PLK1: variants seen among roughly 807,000 people sequenced by gnomAD.
PLK1 encodes serine/threonine-protein kinase PLK1.
Under a neutral mutation model 56.7 loss-of-function variants are expected in PLK1, and 6 were observed. The observed-to-expected ratio is 0.11, with a 90% CI of 0.06 to 0.21. The LOEUF is 0.21. Among genes scored for constraint, PLK1 ranks in the 10% least tolerant of loss-of-function variants. PLK1 has a pLI of 1.00. For missense variants in PLK1, 546 were observed against 814.4 expected, an observed-to-expected ratio of 0.67 and a Z score of 4.01; for synonymous variants, 298 against 325.0, an observed-to-expected ratio of 0.92 and a Z score of 0.89.
chr16:23,681,087 C>G (rs375393158), intron 3 of PLK1, 29 bp downstream of exon 3: 3 of 1,604,498 alleles, frequency 1.9e-6, no homozygotes, highest in Non-Finnish European at 2.6e-6. Context: ...CTGGACCAAC[C>G]TGGTCTCAGC....
rs1597137321 is a variant in PLK1 at position 23,689,176 on chromosome 16, G to A, written c.1271-62G>A. 9 of 1,469,794 alleles carry A rather than the reference G, an allele frequency of 6.1e-6. No homozygotes were observed. Among genetic ancestry groups the A allele is most frequent in the African/African-American group, 4.1e-5 (3 of 72,296 alleles). The allele number at this position is 1,469,794 out of a possible 1,614,324, so 91.0% of individuals were successfully genotyped here. A position where few individuals can be genotyped will look rare whatever the true frequency, so the allele number is the denominator to read the frequency against. Reference sequence around the variant, plus strand: ...TGGAATCACAGGCATGTGCCACCACGCCCGGTCCCACTCCCCACTTTCTAT... The same window carrying A: ...TGGAATCACAGGCATGTGCCACCACACCCGGTCCCACTCCCCACTTTCTAT... On this transcript the variant is annotated intron_variant, in intron 7 of 9. Transcript: ENST00000300093. The surrounding 1 kb of genome is among the most constrained non-coding windows in gnomAD (Gnocchi z 4.8).
At position 23,690,158 on chromosome 16, in the gene PLK1, G is replaced by GC. The variant is rs766871722; in HGVS notation, c.*101dup. On this transcript the variant is annotated 3_prime_UTR_variant, in exon 10 of 10. Transcript: ENST00000300093. ...TCCCGCGGTGCCATGTCTGCAGTGT[G>GC]CCCCCCAGCCCCGGTGGCTGGGCAG... 4.3e-6 allele frequency: 4 copies of GC among 925,568 alleles called. No homozygotes were observed. The highest frequency in any genetic ancestry group is 1.8e-5 in the Admixed American group (1 of 54,802). 57.3% of individuals were successfully genotyped at this position (925,568 alleles called of 1,614,324 possible). A position where few individuals can be genotyped will look rare whatever the true frequency, so the allele number is the denominator to read the frequency against.
rs764805610 is a variant in PLK1 at position 23,690,182 on chromosome 16, A to C, written c.*119A>C. ...TGCCCCCCAGCCCCGGTGGCTGGGC[A>C]GAGCTGCATCATCCTTGCAGGTGGG... On this transcript the variant is annotated 3_prime_UTR_variant, in exon 10 of 10. Transcript: ENST00000300093. The C allele has an allele frequency of 6.6e-6, 5 of 760,448 alleles. No homozygotes were observed. The highest frequency in any genetic ancestry group is 1.1e-5 in the Non-Finnish European group (5 of 438,270). The allele number at this position is 760,448 out of a possible 1,614,324, so 47.1% of individuals were successfully genotyped here.
At chr16:23,688,638 CAACT>C (rs1314141929) in intron 6 of PLK1, 26 bp from the exon 7 acceptor site, 25 of 1,562,696 alleles carry the variant, frequency 1.6e-5, no homozygotes, top group Non-Finnish European at 2.0e-5. Flanking sequence ...TGGTCCTGAC[CAACT>C]AACTGTCTGT....
rs1959293862 is a variant in PLK1 at position 23,679,442 on chromosome 16, T to G, written c.408+102T>G. The G allele has an allele frequency of 4.4e-6, 5 of 1,133,430 alleles. No homozygotes were observed. In the South Asian group the frequency reaches 7.5e-5, roughly 17 times the overall value. 70.2% of individuals were successfully genotyped at this position (1,133,430 alleles called of 1,614,324 possible). A position where few individuals can be genotyped will look rare whatever the true frequency, so the allele number is the denominator to read the frequency against. Reference sequence around the variant, plus strand: ...TACCCAGCAAGGGAGAGCCTGGGACTTGGAGCTGCTAGAGAAGGGTGCTGG... The same window carrying G: ...TACCCAGCAAGGGAGAGCCTGGGACGTGGAGCTGCTAGAGAAGGGTGCTGG... On this transcript the variant is annotated intron_variant, in intron 1 of 9. Transcript: ENST00000300093.
chr16:23,684,502 C>T (rs1266420119), intron 5 of PLK1, among the ~76,000 whole-genome samples: 1 of 152,008 alleles, frequency 6.6e-6, no homozygotes, highest in Non-Finnish European at 1.5e-5. Context: ...GTCAGGCATG[C>T]ACCACCATGC....
rs748876046 is a variant in PLK1 at position 23,690,024 on chromosome 16, G to T, written c.1773G>T (p.Leu591=). ...CCCGCACTATGGTGGACAAGCTGCT[G>T]AGCTCACGCTCGGCCAGCAACCGTC... The part of the protein sequence containing the change: ...RYARTMVDKL[L]SSRSASNRLK... Residue 591 remains leucine (L), a synonymous_variant, in exon 10 of 10, where the codon CTG becomes CTT. Coordinates refer to ENST00000300093, the MANE Select transcript of PLK1 (RefSeq NM_005030.6). 7.4e-6 allele frequency: 12 copies of T among 1,612,718 alleles called. No individual in the cohort carries two copies. Among genetic ancestry groups the T allele is most frequent in the Non-Finnish European group, 9.3e-6 (11 of 1,180,000 alleles).
At chr16:23,685,463 T>C (rs1309741103) in intron 5 of PLK1, among the ~76,000 whole-genome samples, 1 of 151,972 alleles carries the variant, frequency 6.6e-6, no homozygotes, top group African/African-American at 2.4e-5. Flanking sequence ...ATTTTTTTCT[T>C]TGGGAGGCCG....
At chr16:23,688,099 CCCAACATAGT>C in intron 6 of PLK1, among the ~76,000 whole-genome samples, 1 of 152,196 alleles carries the variant, frequency 6.6e-6, no homozygotes, top group Non-Finnish European at 1.5e-5. Context: ...ACACTTCTCA[CCCAACATAGT>C]CCAACATGTC....
Position 23,687,556 on chromosome 16 carries a change from G to A in PLK1, c.1124G>A (p.Ser375Asn), listed in dbSNP as rs1468560703. ...GGTGAGGTGGTCGACTGCCACCTCA[G>A]TGACATGCTGCAGCAGCTGCACAGT... ...ETGEVVDCHL[S>N]DMLQQLHSVN... Residue 375 changes from serine (S) to asparagine (N), a missense_variant, in exon 6 of 10, where the codon AGT becomes AAT. Ser to Asn is a conservative substitution (Grantham distance 46). Around this residue, in one of 7 missense-constraint regions of PLK1, gnomAD observed 157 missense variants for 184.0 expected, o/e 0.85. Coordinates refer to ENST00000300093, the MANE Select transcript of PLK1 (RefSeq NM_005030.6). The A allele has an allele frequency of 4.4e-6, 7 of 1,605,028 alleles. No individual in the cohort carries two copies. The highest frequency in any genetic ancestry group is 6.0e-6 in the Non-Finnish European group (7 of 1,175,030).
chr16:23,679,055 G>T lies in PLK1; in HGVS notation c.123G>T (p.Pro41=). 1 of 1,607,740 alleles carries T rather than the reference G, an allele frequency of 6.2e-7. No homozygotes were observed. The highest frequency in any genetic ancestry group is 1.3e-5 in the African/African-American group (1 of 74,996). Residue 41 remains proline, a synonymous_variant, in exon 1 of 10, where the codon CCG becomes CCT. Transcript: ENST00000300093. The stretch of plus-strand genomic sequence containing the variant: ...CGGCTCCACCGGCGAAAGAGATCCC[G>T]GAGGTCCTAGTGGACCCACGCAGCC... ...PAAAPPAKEI[P]EVLVDPRSRR... is the part of the protein sequence containing the mutation.
chr16:23,688,888 C>A, intron 7 of PLK1, 143 bp downstream of exon 7: 2 of 677,048 alleles, frequency 3.0e-6, no homozygotes, highest in South Asian at 1.8e-5. Context: ...GTTCCAGCTC[C>A]CAGTGCTCCC....
At position 23,688,729 on chromosome 16, in the gene PLK1, G is replaced by A. The variant is rs143382893; in HGVS notation, c.1254G>A (p.Ser418=). ...IFWVSKWVDY[S]DKYGLGYQLC... ...GGGTCAGCAAGTGGGTGGACTATTC[G>A]GACAAGTACGGCCTTGGTAGGTTTC... The change falls in exon 7 of 10, where the codon TCG becomes TCA. Residue 418 remains serine (S), a synonymous_variant. Coordinates refer to ENST00000300093, the MANE Select transcript of PLK1 (RefSeq NM_005030.6). 2.0e-5 allele frequency: 32 copies of A among 1,612,984 alleles called. No homozygotes were observed. In the East Asian group the frequency reaches 3.6e-4, roughly 18 times the overall value.
chr16:23,684,146 G>T, intron 5 of PLK1, 57 bp downstream of exon 5: 1 of 1,380,162 alleles, frequency 7.2e-7, no homozygotes, highest in African/African-American at 1.4e-5. Context: ...CAGGTTGTAG[G>T]GGTGTGTGCA....
At chr16:23,681,204 A>C in intron 3 of PLK1, 146 bp downstream of exon 3, 1 of 743,776 alleles carries the variant, frequency 1.3e-6, no homozygotes, top group South Asian at 1.6e-5. Context: ...AACAAAGCCT[A>C]ATTGTCATAT....
chr16:23,680,691 A>G (rs934175796), intron 2 of PLK1, among the ~76,000 whole-genome samples: 4 of 152,204 alleles, frequency 2.6e-5, no homozygotes, highest in African/African-American at 7.2e-5. Context: ...GTTTCAAAGC[A>G]TAGCCCCTTT....
rs201873469 is a variant in PLK1, at chr16:23,680,942, A to G, written c.606A>G (p.Glu202=). The change falls in exon 3 of 10, where the codon GAA becomes GAG. Residue 202 remains glutamate (E), a synonymous_variant. Transcript: ENST00000300093. ...ATTTTGGACTGGCAACCAAAGTCGA[A>G]TATGACGGGGAGAGGAAGAAGACCC... is the stretch of plus-strand genomic sequence containing the variant. ...IGDFGLATKV[E]YDGERKKTLC... is the part of the protein sequence containing the mutation. 1.2e-6 allele frequency: 2 copies of G among 1,611,382 alleles called. No individual in the cohort carries two copies. The highest frequency in any genetic ancestry group is 8.5e-7 in the Non-Finnish European group (1 of 1,179,112).
chr16:23,686,907 G>C (rs1315858750), intron 5 of PLK1: 2 of 152,158 alleles, frequency 1.3e-5, no homozygotes, highest in Non-Finnish European at 2.9e-5. Context: ...AGGAGAATTA[G>C]CACATGGTGG....
chr16:23,689,490 C>G lies in PLK1; in HGVS notation c.1426-4C>G. 1 of 1,606,110 alleles carries G rather than the reference C, an allele frequency of 6.2e-7. No homozygotes were observed. The highest frequency in any genetic ancestry group is 1.7e-5 in the Admixed American group (1 of 59,876). On this transcript the variant is annotated splice_polypyrimidine_tract_variant and splice_region_variant and intron_variant, in intron 8 of 9. Coordinates refer to ENST00000300093, the MANE Select transcript of PLK1 (RefSeq NM_005030.6). This position sits in a 1 kb window ranked among gnomAD's most constrained non-coding sequence, Gnocchi z 4.8. ...CTGGAACCCCTTACCTACTTTTCAT[C>G]CAGATCACCCTCCTTAAATATTTCC...
Sources: gnomAD v4.1 joint callset for allele counts (sites outside exome capture counted in the v4.1 genomes callset) on GRCh38, gnomAD v4.1.1 for gene constraint, gnomAD v4.1.1 regional missense constraint, Gnocchi (gnomAD v3.1) non-coding constraint, MANE v1.5 for transcripts, NCBI Gene and HGNC (gene_info 2026-07-23, HGNC 2026-07-21) for gene names.